The following ST3GAL2 variants were observed in gnomAD, a reference collection of about 807,000 sequenced individuals.
The protein encoded by ST3GAL2 is CMP-N-acetylneuraminate-beta-galactosamide-alpha-2,3-sialyltransferase 2.
Under a neutral mutation model 37.5 loss-of-function variants are expected in ST3GAL2, and 16 were observed. The ratio of observed to expected loss-of-function variants is 0.43; its 90% CI spans 0.29 to 0.65. The LOEUF is 0.65. ST3GAL2 is among the 30% of genes least tolerant of loss of function. The pLI is 0.17. For synonymous variants in ST3GAL2, 238 were observed against 202.9 expected (o/e 1.17, Z -1.47); for missense variants, 383 against 487.8 (o/e 0.79, Z 2.02).
intron 1 of ST3GAL2, among the ~76,000 whole-genome samples, chr16:70,436,048 C>T (rs1296982184): frequency 6.6e-6 from 1 of 151,794 alleles, no homozygotes; most frequent in African/African-American, 2.4e-5. Flanking sequence ...ATAGCCTGAA[C>T]CTGGGAGGCG....
chr16:70,392,336 C>G (rs376081420), intron 3 of ST3GAL2, among the ~76,000 whole-genome samples: 11 of 152,192 alleles, frequency 7.2e-5, no homozygotes, highest in Non-Finnish European at 1.2e-4. Context: ...CAGAGCAGGA[C>G]GAGGAGGATG....
chr16:70,435,743 G>A (rs1283784311), intron 1 of ST3GAL2, among the ~76,000 whole-genome samples: 2 of 151,606 alleles, frequency 1.3e-5, no homozygotes, highest in Non-Finnish European at 2.9e-5. Context: ...GCAGTGAGCC[G>A]AGATCTCGCC....
chr16:70,395,640 G>C (rs1204789966), intron 2 of ST3GAL2, among the ~76,000 whole-genome samples: 1 of 152,226 alleles, frequency 6.6e-6, no homozygotes, highest in Non-Finnish European at 1.5e-5. Context: ...CCCCAGGGAA[G>C]GGCAGAGAGG....
intron 1 of ST3GAL2, among the ~76,000 whole-genome samples, chr16:70,406,785 A>T (rs1339397070): frequency 6.6e-6 from 1 of 152,164 alleles, no homozygotes; most frequent in Non-Finnish European, 1.5e-5. Context: ...TGTCTCAAAA[A>T]AAAAAAAGGA....
intron 1 of ST3GAL2, among the ~76,000 whole-genome samples, chr16:70,407,146 C>G (rs1037751530): frequency 1.4e-5 from 2 of 139,906 alleles, no homozygotes; most frequent in Non-Finnish European, 3.1e-5. Flanking sequence ...ACACTATGGC[C>G]TTTTTTTTTT....
chr16:70,417,482 C>T (rs2047684092), intron 1 of ST3GAL2, among the ~76,000 whole-genome samples: 1 of 152,226 alleles, frequency 6.6e-6, no homozygotes, highest in Non-Finnish European at 1.5e-5. Flanking sequence ...TAACCCCTTC[C>T]CCAGCCCCCA....
At position 70,382,848 on chromosome 16, in the gene ST3GAL2, G is replaced by A; in HGVS notation, c.836C>T (p.Thr279Met). Residue 279 changes from threonine (T) to methionine (M), a missense_variant, in exon 6 of 7, where the codon ACG (threonine) becomes ATG (methionine). Physicochemically the swap from Thr to Met is moderately conservative, Grantham distance 81. Transcript: ENST00000342907. ...GGCAAAGAAAAGCACCAGCATCCCC[G>A]TGGAAGGGTACCGCCCGTGATGCTC... ...WTEHHGRYPSTGMLVLFFALH... is the reference protein window; with the variant it reads ...WTEHHGRYPSMGMLVLFFALH... 2 of 1,614,176 alleles carry A rather than the reference G, an allele frequency of 1.2e-6. No individual in the cohort carries two copies. The highest frequency in any genetic ancestry group is 1.3e-5 in the African/African-American group (1 of 75,056).
At chr16:70,437,532 C>G (rs1035184645) in intron 1 of ST3GAL2, among the ~76,000 whole-genome samples, 1 of 133,958 alleles carries the variant, frequency 7.5e-6, no homozygotes, top group Non-Finnish European at 1.6e-5. Flanking sequence ...CTGAAGAGGA[C>G]AAAACAAAAA....
chr16:70,395,022 C>A lies in ST3GAL2; in HGVS notation c.493G>T (p.Gly165Cys). 2 of 1,613,948 alleles carry A rather than the reference C, an allele frequency of 1.2e-6. No individual in the cohort carries two copies. Among genetic ancestry groups the A allele is most frequent in the Non-Finnish European group, 1.7e-6 (2 of 1,179,964 alleles). Residue 165 changes from glycine to cysteine, a missense_variant, in exon 3 of 7, where the codon GGC becomes TGC. Gly to Cys is a radical substitution (Grantham distance 159). Transcript: ENST00000342907. The part of the protein sequence containing the change: ...VGNSGNLRGS[G>C]YGQDVDGHNF... ...TGCCCGTCCACGTCCTGCCCATAGC[C>A]AGAGCCCCGCAGGTTGCCCGAGTTC...
At chr16:70,400,521 G>C (rs1306907342) in intron 1 of ST3GAL2, 1 of 152,288 alleles carries the variant, frequency 6.6e-6, no homozygotes, top group African/African-American at 2.4e-5. Flanking sequence ...CCCACTTTTG[G>C]GGTCTCCTGG....
chr16:70,412,916 C>A (rs888325229), intron 1 of ST3GAL2, among the ~76,000 whole-genome samples: 2 of 151,962 alleles, frequency 1.3e-5, no homozygotes, highest in Non-Finnish European at 2.9e-5. Context: ...CGTGGTAGCG[C>A]ATGCCTGTGG....
At chr16:70,438,159 G>C (rs1206176578) in intron 1 of ST3GAL2, among the ~76,000 whole-genome samples, 1 of 152,218 alleles carries the variant, frequency 6.6e-6, no homozygotes, top group Non-Finnish European at 1.5e-5. Flanking sequence ...AGGGAACCCG[G>C]AGTGGGTTAT....
intron 1 of ST3GAL2, among the ~76,000 whole-genome samples, chr16:70,418,609 A>C (rs978950559): frequency 1.3e-5 from 2 of 152,098 alleles, no homozygotes; most frequent in African/African-American, 4.8e-5. Flanking sequence ...GCTCCCTGCC[A>C]AACTCATCCT....
intron 1 of ST3GAL2, among the ~76,000 whole-genome samples, chr16:70,405,885 C>G (rs1488128614): frequency 6.6e-6 from 1 of 151,508 alleles, no homozygotes; most frequent in Non-Finnish European, 1.5e-5. Flanking sequence ...ATGGTGAAAC[C>G]CCGTCTCTAC....
intron 1 of ST3GAL2, among the ~76,000 whole-genome samples, chr16:70,417,766 G>C (rs2047685742): frequency 1.3e-5 from 2 of 152,054 alleles, no homozygotes; most frequent in African/African-American, 4.8e-5. Flanking sequence ...CGGTGGACCA[G>C]GGGAAGCCAG....
At position 70,380,688 on chromosome 16, in the gene ST3GAL2, C is replaced by T. The variant is rs1472577446; in HGVS notation, c.*1001G>A. 1 of 152,412 alleles carries T rather than the reference C, an allele frequency of 6.6e-6. No individual in the cohort carries two copies. The highest frequency in any genetic ancestry group is 2.4e-5 in the African/African-American group (1 of 41,482). The allele number at this position is 152,412 out of a possible 1,614,324, so 9.4% of individuals were successfully genotyped here. A position where few individuals can be genotyped will look rare whatever the true frequency, so the allele number is the denominator to read the frequency against. ...TCTGCGGTTTGGCCACCCACGGCAG[C>T]TTCAGCTTAACCAAAGAATGAGCCC... On this transcript the variant is annotated 3_prime_UTR_variant, in exon 7 of 7. Coordinates refer to ENST00000342907, the MANE Select transcript of ST3GAL2 (RefSeq NM_006927.4).
At chr16:70,424,100 C>CTGA (rs1453706831) in intron 1 of ST3GAL2, among the ~76,000 whole-genome samples, 3 of 151,244 alleles carry the variant, frequency 2.0e-5, no homozygotes, top group African/African-American at 7.3e-5. Context: ...CATTCTCCTG[C>CTGA]CTCAGCCTCC....
intron 3 of ST3GAL2, among the ~76,000 whole-genome samples, chr16:70,389,191 C>G: frequency 1.7e-5 from 1 of 59,242 alleles, no homozygotes; most frequent in Admixed American, 2.9e-4. Context: ...CACGGTGAAA[C>G]CCCATCTCTA....
intron 1 of ST3GAL2, among the ~76,000 whole-genome samples, chr16:70,412,732 T>G (rs2047647473): frequency 6.6e-6 from 1 of 152,160 alleles, no homozygotes; most frequent in Non-Finnish European, 1.5e-5. Flanking sequence ...AATCTGAAAT[T>G]TCAAGCCATT....
Sources: allele counts gnomAD v4.1 joint callset (sites outside exome capture counted in the v4.1 genomes callset), GRCh38; gene constraint gnomAD v4.1.1; transcripts MANE v1.5; gene names NCBI Gene and HGNC (gene_info 2026-07-23, HGNC 2026-07-21).